CALN1: variants seen among roughly 807,000 people sequenced by gnomAD.
The protein encoded by CALN1 is calcium-binding protein 8.
CALN1 carries 17 observed loss-of-function variants against 30.6 expected under a neutral mutation model. The ratio of observed to expected loss-of-function variants is 0.56; its 90% CI spans 0.38 to 0.83. The LOEUF is 0.83. Ranked by LOEUF, CALN1 falls within the 40% of genes least tolerant of loss-of-function variation. The pLI is 0.00. For synonymous variants in CALN1, 156 were observed against 131.4 expected, an observed-to-expected ratio of 1.19 and a Z score of -1.28; for missense variants, 291 against 354.9, an observed-to-expected ratio of 0.82 and a Z score of 1.45.
chr7:72,439,242 G>A (rs2129564328), intron 1 of CALN1, among the ~76,000 whole-genome samples: 1 of 152,170 alleles, frequency 6.6e-6, no homozygotes, highest in Middle Eastern at 3.4e-3. Context: ...ATGTTGCCCA[G>A]GTTGGTATCA....
chr7:72,337,024 C>G, intron 2 of CALN1: 1 of 985,608 alleles, frequency 1.0e-6, no homozygotes, highest in Non-Finnish European at 1.2e-6. Flanking sequence ...ACGTGTGCCC[C>G]GCACCCCCTG....
At chr7:71,978,496 G>A (rs1798222699) in intron 5 of CALN1, among the ~76,000 whole-genome samples, 2 of 151,850 alleles carry the variant, frequency 1.3e-5, no homozygotes, top group Non-Finnish European at 1.5e-5. Context: ...GGATGGTCTT[G>A]ATCTCCTGAC....
upstream of CALN1, among the ~76,000 whole-genome samples, chr7:72,414,999 A>C (rs988911611): frequency 1.5e-4 from 23 of 152,354 alleles, no homozygotes; most frequent in Admixed American, 1.4e-3. Flanking sequence ...GCTTTATAAG[A>C]GGAAGAGAGG....
chr7:72,007,118 C>A (rs1263208543), intron 5 of CALN1, among the ~76,000 whole-genome samples: 1 of 152,174 alleles, frequency 6.6e-6, no homozygotes, highest in Non-Finnish European at 1.5e-5. Context: ...AATTCTTGGA[C>A]CAGGACTGTT....
chr7:72,153,709 A>T (rs1048795735), intron 3 of CALN1, among the ~76,000 whole-genome samples: 5 of 152,034 alleles, frequency 3.3e-5, no homozygotes, highest in Middle Eastern at 3.4e-3. Context: ...AAAGAAAAAG[A>T]AAGTTGTTAG....
chr7:72,283,249 G>T (rs185558258), intron 2 of CALN1, among the ~76,000 whole-genome samples: 7 of 152,254 alleles, frequency 4.6e-5, no homozygotes, highest in African/African-American at 1.7e-4. Context: ...AAACGGCCAG[G>T]CATGGTGGCT....
chr7:72,058,891 G>A (rs1005882591), intron 4 of CALN1, among the ~76,000 whole-genome samples: 1 of 152,078 alleles, frequency 6.6e-6, no homozygotes, highest in Non-Finnish European at 1.5e-5. Flanking sequence ...AACGAAGAAC[G>A]CTGTCTGGCT....
rs1418654532 is a variant in CALN1 at position 71,962,228 on chromosome 7, A to G, written c.501+61429T>C. 6.2e-5 allele frequency among the ~76,000 whole-genome samples: 3 copies of G among 48,544 alleles called. No individual in the cohort carries two copies. The South Asian group carries it at 2.4e-3, about 39-fold the overall frequency. The allele number at this position is 48,544 out of a possible 152,430, so 31.8% of individuals were successfully genotyped here. On this transcript the variant is annotated intron_variant, in intron 5 of 6. Coordinates refer to ENST00000395275, the MANE Select transcript of CALN1 (RefSeq NM_031468.4). ...GGCAACACAGCAAGACCCCATCTCT[A>G]AAAAAAAAAAAAAAAGTTTAAAAAA...
intron 3 of CALN1, among the ~76,000 whole-genome samples, chr7:72,271,575 A>AAAAAAAAAATATATATATAT: frequency 5.8e-5 from 3 of 52,124 alleles, no homozygotes; most frequent in East Asian, 9.9e-4. Flanking sequence ...AAAAAAAAAA[A>AAAAAAAAAATATATATATAT]ATATATATAT....
the CALN1 span, among the ~76,000 whole-genome samples, chr7:72,475,414 G>A: frequency 1.2e-3 from 181 of 152,190 alleles, no homozygotes; most frequent in Non-Finnish European, 2.1e-3. Flanking sequence ...AGCCGAGATC[G>A]CGCCACTGCA....
intron 2 of CALN1, among the ~76,000 whole-genome samples, chr7:72,398,246 AG>A (rs1162473818): frequency 3.3e-5 from 5 of 152,220 alleles, no homozygotes; most frequent in African/African-American, 1.2e-4. Context: ...TTCCGTCACA[AG>A]GAAGTTTACA....
At chr7:72,298,016 T>A (rs1798985685) in intron 2 of CALN1, among the ~76,000 whole-genome samples, 1 of 152,244 alleles carries the variant, frequency 6.6e-6, no homozygotes, top group African/African-American at 2.4e-5. Flanking sequence ...ACCATCTTAT[T>A]ATTTTTTTTA....
chr7:72,290,600 A>T (rs778078323), intron 2 of CALN1, among the ~76,000 whole-genome samples: 9 of 152,216 alleles, frequency 5.9e-5, no homozygotes, highest in Non-Finnish European at 1.2e-4. Flanking sequence ...TGCTTAAAAT[A>T]CCCAGAGTGG....
At chr7:72,264,299 C>A (rs1237028615) in intron 3 of CALN1, among the ~76,000 whole-genome samples, 1 of 152,162 alleles carries the variant, frequency 6.6e-6, no homozygotes, top group Non-Finnish European at 1.5e-5. Context: ...AACCAAACTT[C>A]TCTGCTCAGC....
chr7:72,460,695 C>T, the CALN1 span, among the ~76,000 whole-genome samples: 1 of 152,048 alleles, frequency 6.6e-6, no homozygotes, highest in Admixed American at 6.6e-5. Context: ...TTTCTGTGAA[C>T]GCATGGGATA....
At chr7:72,179,912 T>G (rs891054765) in intron 3 of CALN1, among the ~76,000 whole-genome samples, 1 of 152,200 alleles carries the variant, frequency 6.6e-6, no homozygotes, top group Non-Finnish European at 1.5e-5. Flanking sequence ...GACATAATAA[T>G]TCTCAGGATT....
chr7:72,383,140 A>G (rs892480689), intron 2 of CALN1, among the ~76,000 whole-genome samples: 7 of 152,042 alleles, frequency 4.6e-5, no homozygotes, highest in African/African-American at 1.7e-4. Flanking sequence ...TGTGTACCAC[A>G]TTTTCTTTAT....
At chr7:71,959,481 C>T (rs757565637) in intron 5 of CALN1, among the ~76,000 whole-genome samples, 3 of 152,156 alleles carry the variant, frequency 2.0e-5, no homozygotes, top group East Asian at 1.9e-4. Context: ...TCTACCAAAA[C>T]GACTATGTTC....
intron 2 of CALN1, among the ~76,000 whole-genome samples, chr7:72,381,532 G>A (rs1804899500): frequency 3.3e-5 from 5 of 152,126 alleles, no homozygotes. Context: ...CATTTGCAGG[G>A]GCATATGAGT....
Sources: allele counts gnomAD v4.1 joint callset (sites outside exome capture counted in the v4.1 genomes callset), GRCh38; gene constraint gnomAD v4.1.1; transcripts MANE v1.5; gene names NCBI Gene and HGNC (gene_info 2026-07-23, HGNC 2026-07-21).